WDFY4: variants seen among roughly 807,000 people sequenced by gnomAD.
The protein encoded by WDFY4 is WDFY family member 4.
WDFY4 carries 169 observed loss-of-function variants against 351.9 expected under a neutral mutation model. The ratio of observed to expected loss-of-function variants is 0.48; its 90% CI spans 0.42 to 0.55. The LOEUF is 0.55. Among genes scored for constraint, WDFY4 ranks in the 20% least tolerant of loss-of-function variants. The probability of loss-of-function intolerance (pLI) is 0.00; values close to 1 mark genes in which losing one functional copy is unlikely to be tolerated. For missense variants in WDFY4, 3,803 were observed against 3,935.6 expected (o/e 0.97, Z 0.90); for synonymous variants, 1,622 against 1,574.6 (o/e 1.03, Z -0.71).
intron 12 of WDFY4, among the ~76,000 whole-genome samples, chr10:48,758,860 G>A (rs2065412615): frequency 6.6e-6 from 1 of 152,154 alleles, no homozygotes; most frequent in South Asian, 2.1e-4. Flanking sequence ...TCGTCTGATA[G>A]TTCCAACATC....
chr10:48,763,572 T>C lies in WDFY4; in HGVS notation c.2553+3132T>C, dbSNP rs1416226643. ...CTTACAGGCCTGGAAACTCCATGGA[T>C]GAGCCTCAGTTTTAGATGAATTCCC... On this transcript the variant is annotated intron_variant, in intron 13 of 61. Transcript: ENST00000325239. Among the ~76,000 whole-genome samples the C allele has an allele frequency of 4.6e-5, 7 of 152,370 alleles. No individual in the cohort carries two copies. In the South Asian group the frequency reaches 8.3e-4, roughly 18 times the overall value.
intron 18 of WDFY4, 40 bp downstream of exon 18, chr10:48,778,872 G>T (rs1246622042): frequency 5.2e-6 from 8 of 1,539,102 alleles, no homozygotes; most frequent in South Asian, 4.8e-5. Flanking sequence ...ATCCACATGT[G>T]GGGGAAATGG....
chr10:48,959,816 G>A lies in WDFY4; in HGVS notation c.8223+3G>A. On this transcript the variant is annotated splice_donor_region_variant and intron_variant, in intron 53 of 61. Coordinates refer to ENST00000325239, the MANE Select transcript of WDFY4 (RefSeq NM_001394531.1). ...AATTCATCAGCCTGCACAGAAAGGT[G>A]AGTCAGGCCAGGACCCCTGGTATCC... The A allele has an allele frequency of 2.6e-6, 4 of 1,548,962 alleles. No individual in the cohort carries two copies. Among genetic ancestry groups the A allele is most frequent in the Non-Finnish European group, 3.5e-6 (4 of 1,145,308 alleles).
chr10:48,883,114 T>C (rs2070319466), intron 43 of WDFY4, among the ~76,000 whole-genome samples: 1 of 152,208 alleles, frequency 6.6e-6, no homozygotes, highest in Non-Finnish European at 1.5e-5. Context: ...CCTGGCCCCA[T>C]GTTCTTTCTC....
chr10:48,811,564 G>C lies in WDFY4; in HGVS notation c.5070G>C (p.Leu1690=). ...ACAACCTGAAGAGCCAGTCACCACT[G>C]CCTGAGCAAAGCCCATGCCTGCTTC... ...VMDNLKSQSP[L]PEQSPCLLPG... is the part of the protein sequence containing the mutation. The change falls in exon 30 of 62, where the codon CTG becomes CTC. Residue 1690 remains leucine, a synonymous_variant. Transcript: ENST00000325239. The C allele has an allele frequency of 6.4e-7, 1 of 1,552,260 alleles. No individual in the cohort carries two copies. Among genetic ancestry groups the C allele is most frequent in the Non-Finnish European group, 8.7e-7 (1 of 1,147,126 alleles).
intron 47 of WDFY4, among the ~76,000 whole-genome samples, chr10:48,902,877 A>G (rs1353474222): frequency 6.6e-6 from 1 of 152,126 alleles, no homozygotes; most frequent in East Asian, 1.9e-4. Flanking sequence ...GGGGAGACCA[A>G]GGTGGGCAGA....
intron 58 of WDFY4, among the ~76,000 whole-genome samples, chr10:48,975,911 G>A (rs888217188): frequency 6.6e-6 from 1 of 152,172 alleles, no homozygotes; most frequent in Non-Finnish European, 1.5e-5. Flanking sequence ...GTGGGTGAAT[G>A]GATGGATGGG....
chr10:48,910,375 G>A, intron 47 of WDFY4: 1 of 880,880 alleles, frequency 1.1e-6, no homozygotes, highest in Non-Finnish European at 1.9e-6. Context: ...GGATGGTCAG[G>A]TTAGTGTGAA....
Position 48,832,650 on chromosome 10 carries a change from T to C in WDFY4, c.6604T>C (p.Ser2202Pro), listed in dbSNP as rs2068229544. The change falls in exon 39 of 62, where the codon TCC becomes CCC. Residue 2202 changes from serine to proline, a missense_variant. Transcript: ENST00000325239. The part of the protein sequence containing the change: ...SKVTLWSGSL[S>P]SAMKLMPGRQ... ...AGTCACTTTGTGGAGTGGAAGCCTG[T>C]CCTCAGCCATGAAGCTGATGCCCGG... The C allele has an allele frequency of 6.4e-7, 1 of 1,551,010 alleles. No individual in the cohort carries two copies. The highest frequency in any genetic ancestry group is 1.2e-5 in the South Asian group (1 of 83,736).
chr10:48,877,915 G>A (rs1463445833), intron 43 of WDFY4: 1 of 152,346 alleles, frequency 6.6e-6, no homozygotes, highest in African/African-American at 2.4e-5. Flanking sequence ...GGAAGATGAA[G>A]CACATGTCTT....
At chr10:48,960,386 G>T (rs77787355) in intron 53 of WDFY4, among the ~76,000 whole-genome samples, 4,693 of 152,276 alleles carry the variant, frequency 0.031, 74 homozygotes, top group Middle Eastern at 0.078. Flanking sequence ...ATACCCACCG[G>T]AGTGGCTTAA....
Position 48,975,059 on chromosome 10 carries a change from C to T in WDFY4, c.9108+18C>T, listed in dbSNP as rs115656150. Reference sequence around the variant, plus strand: ...ACGTCTCAGTAAGTCTCCTGTTTCTCAGTGTCCGTGTCCTCACCTTCGCAG... The same window carrying T: ...ACGTCTCAGTAAGTCTCCTGTTTCTTAGTGTCCGTGTCCTCACCTTCGCAG... On this transcript the variant is annotated intron_variant, in intron 58 of 61. Transcript: ENST00000325239. The T allele has an allele frequency of 9.2e-4, 1,426 of 1,551,732 alleles. 14 individuals carry two copies. In the African/African-American group the frequency reaches 0.018, roughly 19 times the overall value.
intron 42 of WDFY4, 81 bp downstream of exon 42, chr10:48,875,221 T>A: frequency 1.2e-6 from 1 of 827,482 alleles, no homozygotes; most frequent in Non-Finnish European, 1.6e-6. Flanking sequence ...GATATTAAAT[T>A]AATATTTTAG....
At chr10:48,934,960 C>G (rs1199962307) in intron 47 of WDFY4, among the ~76,000 whole-genome samples, 1 of 152,180 alleles carries the variant, frequency 6.6e-6, no homozygotes, top group Non-Finnish European at 1.5e-5. Flanking sequence ...TAGCTAGCTG[C>G]CCTTCCTGAC....
chr10:48,957,354 A>G, intron 52 of WDFY4, 72 bp downstream of exon 52: 1 of 1,513,466 alleles, frequency 6.6e-7, no homozygotes, highest in South Asian at 1.2e-5. Flanking sequence ...CTGGGTGATG[A>G]CCAACATCAT....
chr10:48,762,658 A>C (rs2065544876), intron 13 of WDFY4, among the ~76,000 whole-genome samples: 1 of 152,214 alleles, frequency 6.6e-6, no homozygotes. Flanking sequence ...AAGCTGGCTT[A>C]GCTGAGTGGC....
intron 13 of WDFY4, among the ~76,000 whole-genome samples, chr10:48,762,077 G>A (rs986791828): frequency 1.4e-4 from 22 of 152,342 alleles, no homozygotes; most frequent in Admixed American, 1.2e-3. Flanking sequence ...GAAGCAATGA[G>A]GAGTCCAGCT....
Position 48,976,980 on chromosome 10 carries a change from G to T in WDFY4, c.9291+1G>T. 6.9e-7 allele frequency: 1 copy of T among 1,440,934 alleles called. No individual in the cohort carries two copies. Among genetic ancestry groups the T allele is most frequent in the Non-Finnish European group, 9.2e-7 (1 of 1,085,716 alleles). 89.3% of individuals were successfully genotyped at this position (1,440,934 alleles called of 1,614,324 possible). The stretch of plus-strand genomic sequence containing the variant: ...CGGGAGTCAAGACGGCATGGTCCGG[G>T]TAGGTGTGTCTTGGGCAGAATGAGG... On this transcript the variant is annotated splice_donor_variant, in intron 59 of 61. Coordinates refer to ENST00000325239, the MANE Select transcript of WDFY4 (RefSeq NM_001394531.1). LOFTEE classifies it high-confidence loss of function.
Position 48,742,978 on chromosome 10 carries a change from G to A in WDFY4, c.1889G>A (p.Arg630Gln), listed in dbSNP as rs369917398. The part of the protein sequence containing the change: ...LKLDLLKSLL[R>Q]ILVTPKGRAA... ...TGCTTGGTGTTTCAGTCTCTGCTCC[G>A]GATCCTGGTGACCCCCAAGGGTCGT... The change falls in exon 12 of 62, where the codon CGG (arginine) becomes CAG (glutamine). Residue 630 changes from arginine to glutamine, a missense_variant. Around this residue, in one of 3 missense-constraint regions of WDFY4, gnomAD observed 261 missense variants for 330.2 expected, o/e 0.79. Transcript: ENST00000325239. 1.8e-5 allele frequency: 28 copies of A among 1,546,092 alleles called. No homozygotes were observed. Among genetic ancestry groups the A allele is most frequent in the East Asian group, 7.4e-5 (3 of 40,780 alleles).
Sources: gnomAD v4.1 joint callset for allele counts (sites outside exome capture counted in the v4.1 genomes callset) on GRCh38, gnomAD v4.1.1 for gene constraint, gnomAD v4.1.1 regional missense constraint, MANE v1.5 for transcripts, NCBI Gene and HGNC (gene_info 2026-07-23, HGNC 2026-07-21) for gene names.